Variants in SLC25A18 observed in about 807,000 individuals in gnomAD.
SLC25A18 encodes the protein mitochondrial glutamate carrier 2.
SLC25A18 carries 24 observed loss-of-function variants against 31.1 expected under a neutral mutation model. That is an observed-to-expected ratio of 0.77 (90% CI 0.56 to 1.08). The LOEUF (loss-of-function observed/expected upper bound fraction) is 1.08. Ranked by LOEUF, SLC25A18 falls within the 50% of genes least tolerant of loss-of-function variation. The pLI is 0.00. For synonymous variants in SLC25A18, 173 were observed against 161.9 expected (o/e 1.07, Z -0.52); for missense variants, 371 against 418.5 (o/e 0.89, Z 0.99).
chr22:17,581,328 A>G, intron 4 of SLC25A18, 30 bp from the exon 5 acceptor site: 3 of 1,613,450 alleles, frequency 1.9e-6, no homozygotes, highest in South Asian at 1.1e-5. Flanking sequence ...CCCGCTGCAC[A>G]CTTACTCCTA....
rs758099749 is a variant in SLC25A18 at position 17,587,250 on chromosome 22, G to A, written c.524G>A (p.Arg175His). 25 of 1,613,758 alleles carry A rather than the reference G, an allele frequency of 1.5e-5. No homozygotes were observed. The highest frequency in any genetic ancestry group is 4.5e-5 in the East Asian group (2 of 44,886). ...SATLIAWELL[R>H]TQGLAGLYRG... ...ACCCTCATTGCCTGGGAGCTGCTCC[G>A]CACTCAGGGCCTGGCTGGGCTCTAC... The change falls in exon 8 of 11, where the codon CGC becomes CAC. Residue 175 changes from arginine to histidine, a missense_variant. Physicochemically the swap from Arg to His is conservative, Grantham distance 29 (BLOSUM62 0). Coordinates refer to ENST00000327451, the MANE Select transcript of SLC25A18 (RefSeq NM_031481.3).
rs574985559 is a variant in SLC25A18, at chr22:17,564,349, C to T, written c.-264+636C>T. 8.5e-5 allele frequency among the ~76,000 whole-genome samples: 13 copies of T among 152,228 alleles called. No individual in the cohort carries two copies. The South Asian group carries it at 2.5e-3, about 29-fold the overall frequency. ...GGAAATGCAGATTTTGGCATCCCGC[C>T]TAAGACCTTAAACTGAAGAAGGGCC... On this transcript the variant is annotated intron_variant, in intron 1 of 10. Transcript: ENST00000327451.
At chr22:17,587,375 A>G in intron 8 of SLC25A18, 74 bp downstream of exon 8, 1 of 1,503,716 alleles carries the variant, frequency 6.7e-7, no homozygotes, top group Non-Finnish European at 8.9e-7. Flanking sequence ...GGTTGTCCCT[A>G]TCTGCCTCTG....
At chr22:17,581,008 C>T (rs2146248456) in intron 3 of SLC25A18, 29 bp from the exon 4 acceptor site, 1 of 1,528,786 alleles carries the variant, frequency 6.5e-7, no homozygotes. Flanking sequence ...CTCTGCCTCT[C>T]TCCTCCCCCT....
At position 17,582,600 on chromosome 22, in the gene SLC25A18, G is replaced by A. The variant is rs774250353; in HGVS notation, c.237G>A (p.Lys79=). The change falls in exon 6 of 11, where the codon AAG becomes AAA. Residue 79 remains lysine, a synonymous_variant. Coordinates refer to ENST00000327451, the MANE Select transcript of SLC25A18 (RefSeq NM_031481.3). ...ACCTCACTCTGGTCACTCCAGAGAA[G>A]GCCATCAAGCTGGCGGCCAACGACT... is the stretch of plus-strand genomic sequence containing the variant. ...AVNLTLVTPE[K]AIKLAANDFF... is the part of the protein sequence containing the mutation. The A allele has an allele frequency of 6.2e-7, 1 of 1,604,932 alleles. No homozygotes were observed. The highest frequency in any genetic ancestry group is 2.2e-5 in the East Asian group (1 of 44,800).
Position 17,581,430 on chromosome 22 carries a change from C to G in SLC25A18, c.199+17C>G. On this transcript the variant is annotated intron_variant, in intron 5 of 10. Transcript: ENST00000327451. ...TGTACCGAGGTGGGCTTCTCAGGTCCCCTGGGAGGCTGGGCAGCAGGTGTG... is the reference window on the plus strand; with the variant it reads ...TGTACCGAGGTGGGCTTCTCAGGTCGCCTGGGAGGCTGGGCAGCAGGTGTG... 6.2e-7 allele frequency: 1 copy of G among 1,613,776 alleles called. No individual in the cohort carries two copies. The highest frequency in any genetic ancestry group is 2.2e-5 in the East Asian group (1 of 44,866).
chr22:17,587,929 A>G lies in SLC25A18; in HGVS notation c.580A>G (p.Ile194Val), dbSNP rs762993132. ...RGLGATLLRD[I>V]PFSIIYFPLF... ...TTTCTCCTTCCTCTTCTGCAGAGAC[A>G]TTCCTTTCTCCATCATCTACTTCCC... The change falls in exon 9 of 11, where the codon ATT becomes GTT. Residue 194 changes from isoleucine (I) to valine (V), a missense_variant. By Grantham distance (29) the Ile-to-Val change is conservative. Transcript: ENST00000327451. 24 of 1,614,050 alleles carry G rather than the reference A, an allele frequency of 1.5e-5. No homozygotes were observed. In the South Asian group the frequency reaches 2.3e-4, roughly 16 times the overall value.
Position 17,579,868 on chromosome 22 carries a change from T to C in SLC25A18, c.-77T>C. ...CCAGAGCCAAGGAAGCTTCCACTTC[T>C]TCCCCCAGACAGCCCCAACAGCGGC... On this transcript the variant is annotated 5_prime_UTR_variant, in exon 3 of 11. Transcript: ENST00000327451. 6.4e-7 allele frequency: 1 copy of C among 1,560,266 alleles called. No individual in the cohort carries two copies. Among genetic ancestry groups the C allele is most frequent in the Non-Finnish European group, 8.7e-7 (1 of 1,151,252 alleles).
At chr22:17,572,625 C>T (rs2146217016) in intron 2 of SLC25A18, among the ~76,000 whole-genome samples, 1 of 148,880 alleles carries the variant, frequency 6.7e-6, no homozygotes, top group African/African-American at 2.5e-5. Context: ...GAGACCCCAT[C>T]TCTACAAATA....
chr22:17,568,553 A>ATTT (rs2056999400), intron 1 of SLC25A18, among the ~76,000 whole-genome samples: 1 of 104,866 alleles, frequency 9.5e-6, no homozygotes, highest in African/African-American at 3.6e-5. Flanking sequence ...TATAAAGTAC[A>ATTT]TCTTTTTTTT....
Position 17,571,758 on chromosome 22 carries a change from GAAAAA to G in SLC25A18, c.-201+1784_-201+1788del, listed in dbSNP as rs796501629. On this transcript the variant is annotated intron_variant, in intron 2 of 10. Coordinates refer to ENST00000327451, the MANE Select transcript of SLC25A18 (RefSeq NM_031481.3). ...CAATGCAGTGAGACTGTCTCAAAAA[GAAAAA>G]AAAAAAAAAAAGTCTGGGCCCAAGG... is the stretch of plus-strand genomic sequence containing the variant. Among the ~76,000 whole-genome samples the G allele has an allele frequency of 7.6e-5, 7 of 91,610 alleles. No individual in the cohort carries two copies. In the Admixed American group the frequency reaches 7.9e-4, roughly 10 times the overall value. 60.1% of individuals were successfully genotyped at this position (91,610 alleles called of 152,430 possible).
At chr22:17,570,936 T>G (rs2057071313) in intron 2 of SLC25A18, among the ~76,000 whole-genome samples, 1 of 152,092 alleles carries the variant, frequency 6.6e-6, no homozygotes, top group Non-Finnish European at 1.5e-5. Context: ...GAAAGGCATG[T>G]GGGAGGAGGT....
In SLC25A18 at chr22:17,590,192, T is replaced by G; in HGVS notation, c.904T>G (p.Tyr302Asp). The G allele has an allele frequency of 6.2e-7, 1 of 1,614,232 alleles. No homozygotes were observed. The highest frequency in any genetic ancestry group is 8.5e-7 in the Non-Finnish European group (1 of 1,180,044). Residue 302 changes from tyrosine to aspartate, a missense_variant, in exon 11 of 11, where the codon TAT becomes GAT. Tyr to Asp is a radical substitution (Grantham distance 160, BLOSUM62 -3). Coordinates refer to ENST00000327451, the MANE Select transcript of SLC25A18 (RefSeq NM_031481.3). ...APLFGIAQGV[Y>D]FIGIGERILK... is the part of the protein sequence containing the mutation. ...TCTCTTTGGGATTGCTCAAGGGGTCTATTTTATTGGGATTGGAGAGCGCAT... is the reference window on the plus strand; with the variant it reads ...TCTCTTTGGGATTGCTCAAGGGGTCGATTTTATTGGGATTGGAGAGCGCAT...
In SLC25A18 at chr22:17,581,169, G is replaced by A; in HGVS notation, c.143+10G>A. On this transcript the variant is annotated intron_variant, in intron 4 of 10. Transcript: ENST00000327451. The stretch of plus-strand genomic sequence containing the variant: ...CCATGTACAAAGGAATGTAGGTGCT[G>A]GCAGGCGAGCGTGGAGGGCAGAGGC... 1 of 1,586,926 alleles carries A rather than the reference G, an allele frequency of 6.3e-7. No individual in the cohort carries two copies. Among genetic ancestry groups the A allele is most frequent in the South Asian group, 1.1e-5 (1 of 87,880 alleles).
intron 2 of SLC25A18, among the ~76,000 whole-genome samples, chr22:17,571,255 G>A (rs73391446): frequency 0.012 from 1,802 of 152,278 alleles, 24 homozygotes; most frequent in African/African-American, 0.032. Flanking sequence ...TCAGGCATCC[G>A]GAGGGACAAT....
At chr22:17,578,250 C>T (rs915027399) in intron 2 of SLC25A18, among the ~76,000 whole-genome samples, 2 of 152,170 alleles carry the variant, frequency 1.3e-5, no homozygotes, top group Non-Finnish European at 2.9e-5. Flanking sequence ...GAATTACAGG[C>T]GTGAGCCACT....
At chr22:17,580,991 C>A in intron 3 of SLC25A18, 46 bp from the exon 4 acceptor site, 1 of 1,508,326 alleles carries the variant, frequency 6.6e-7, no homozygotes, top group Non-Finnish European at 8.9e-7. Flanking sequence ...CCCTAACCTG[C>A]CCCTCCCTCT....
chr22:17,566,304 G>A (rs919471820), intron 1 of SLC25A18, among the ~76,000 whole-genome samples: 13 of 152,006 alleles, frequency 8.6e-5, no homozygotes, highest in African/African-American at 1.9e-4. Flanking sequence ...CTGCTGATGC[G>A]TGTTTCAAAT....
chr22:17,566,993 C>T (rs888328659), intron 1 of SLC25A18, among the ~76,000 whole-genome samples: 1 of 152,122 alleles, frequency 6.6e-6, no homozygotes, highest in African/African-American at 2.4e-5. Context: ...AAAACCGCGT[C>T]TCTACAAAGA....
Sources: gnomAD v4.1 joint callset for allele counts (sites outside exome capture counted in the v4.1 genomes callset) on GRCh38, gnomAD v4.1.1 for gene constraint, MANE v1.5 for transcripts, NCBI Gene and HGNC (gene_info 2026-07-23, HGNC 2026-07-21) for gene names.